The following GRM5 variants were observed in gnomAD, a reference collection of about 807,000 sequenced individuals.
GRM5 encodes glutamate metabotropic receptor 5.
GRM5 carries 19 observed loss-of-function variants against 83.1 expected under a neutral mutation model. That is an observed-to-expected ratio of 0.23 (90% CI 0.16 to 0.34). The LOEUF (loss-of-function observed/expected upper bound fraction) is 0.34. GRM5 is among the 10% of genes least tolerant of loss of function. The pLI is 1.00. For synonymous variants in GRM5, 675 were observed against 633.6 expected, an observed-to-expected ratio of 1.07 and a Z score of -0.98; for missense variants, 1,160 against 1,588.3, an observed-to-expected ratio of 0.73 and a Z score of 4.58.
At chr11:88,625,758 T>C (rs923150247) in intron 4 of GRM5, among the ~76,000 whole-genome samples, 15 of 152,044 alleles carry the variant, frequency 9.9e-5, no homozygotes, top group African/African-American at 3.1e-4. Context: ...TGTGTGCATA[T>C]AGCCCCAATT....
intron 5 of GRM5, among the ~76,000 whole-genome samples, chr11:88,603,792 G>GT (rs894390645): frequency 1.3e-5 from 2 of 152,178 alleles, no homozygotes; most frequent in African/African-American, 4.8e-5. Context: ...GACAGAATGT[G>GT]TGGGCACATG....
intron 2 of GRM5, among the ~76,000 whole-genome samples, chr11:88,962,393 C>G (rs935076070): frequency 2.0e-5 from 3 of 152,198 alleles, no homozygotes; most frequent in Non-Finnish European, 4.4e-5. Context: ...TTCATGCATT[C>G]AACTAACCAT....
intron 7 of GRM5, among the ~76,000 whole-genome samples, chr11:88,582,616 A>G (rs1943234565): frequency 6.6e-6 from 1 of 152,232 alleles, no homozygotes; most frequent in African/African-American, 2.4e-5. Flanking sequence ...GTAATAATAA[A>G]CTAAACTTAT....
At chr11:88,562,192 A>G (rs1197091742) in intron 8 of GRM5, among the ~76,000 whole-genome samples, 1 of 152,200 alleles carries the variant, frequency 6.6e-6, no homozygotes, top group Non-Finnish European at 1.5e-5. Flanking sequence ...TCTACAGTGC[A>G]AGACTTCTCA....
At chr11:88,696,708 G>A (rs1333865643) in intron 3 of GRM5, among the ~76,000 whole-genome samples, 2 of 152,132 alleles carry the variant, frequency 1.3e-5, no homozygotes, top group Non-Finnish European at 2.9e-5. Context: ...GTTTTATAAT[G>A]TTACCTATCT....
intron 9 of GRM5, among the ~76,000 whole-genome samples, chr11:88,519,774 A>T (rs768307642): frequency 3.9e-5 from 6 of 152,180 alleles, no homozygotes; most frequent in Non-Finnish European, 7.4e-5. Context: ...GTAAATACGT[A>T]AAAAACAACC....
chr11:88,752,529 A>G (rs1257610248), intron 3 of GRM5, among the ~76,000 whole-genome samples: 3 of 152,246 alleles, frequency 2.0e-5, no homozygotes, highest in Admixed American at 6.5e-5. Context: ...CATACTGCCC[A>G]AAGTAATTTA....
At position 89,009,929 on chromosome 11, in the gene GRM5, A is replaced by AACAC. The variant is rs1555059720; in HGVS notation, c.661+37279_661+37282dup. On this transcript the variant is annotated intron_variant, in intron 2 of 9. Coordinates refer to ENST00000305447, the MANE Select transcript of GRM5 (RefSeq NM_001143831.3). ...AAAAAAAAAAAAAAAAAAAAAAAAA[A>AACAC]ACACACACAAAATCAAAATGTTTAC... 3.4e-4 allele frequency among the ~76,000 whole-genome samples: 35 copies of AACAC among 102,386 alleles called. 1 individual carries two copies. The highest frequency in any genetic ancestry group is 9.8e-4 in the East Asian group (3 of 3,072). The allele number at this position is 102,386 out of a possible 152,430, so 67.2% of individuals were successfully genotyped here.
intron 2 of GRM5, among the ~76,000 whole-genome samples, chr11:88,993,116 A>G (rs1202774259): frequency 1.3e-5 from 2 of 151,844 alleles, no homozygotes; most frequent in Non-Finnish European, 2.9e-5. Flanking sequence ...ATACAAAAAA[A>G]TTAGCTGGGC....
chr11:88,601,219 T>C (rs988191873), intron 5 of GRM5, among the ~76,000 whole-genome samples: 3 of 152,198 alleles, frequency 2.0e-5, no homozygotes, highest in South Asian at 2.1e-4. Context: ...ATCTGGACAT[T>C]GAAGCAGAAC....
intron 3 of GRM5, among the ~76,000 whole-genome samples, chr11:88,779,056 A>G (rs1485898041): frequency 1.3e-5 from 2 of 152,228 alleles, no homozygotes; most frequent in Non-Finnish European, 2.9e-5. Flanking sequence ...AATTCTCACA[A>G]AAATCTTTTA....
intron 2 of GRM5, among the ~76,000 whole-genome samples, chr11:88,934,871 T>G (rs1417311160): frequency 6.6e-6 from 1 of 151,896 alleles, no homozygotes; most frequent in Non-Finnish European, 1.5e-5. Context: ...TGAAAAACAC[T>G]GGACTATAGA....
intron 2 of GRM5, among the ~76,000 whole-genome samples, chr11:88,855,909 GA>G (rs1944467194): frequency 6.6e-6 from 1 of 151,786 alleles, no homozygotes; most frequent in African/African-American, 2.4e-5. Flanking sequence ...AAGTAGTACA[GA>G]AAAATAGGCA....
At chr11:88,515,037 A>G (rs1048922875) in intron 9 of GRM5, among the ~76,000 whole-genome samples, 4 of 151,994 alleles carry the variant, frequency 2.6e-5, no homozygotes, top group Admixed American at 6.6e-5. Flanking sequence ...GAATCACTCG[A>G]TCCTCTCTTA....
chr11:88,945,806 C>A (rs1233463789), intron 2 of GRM5, among the ~76,000 whole-genome samples: 2 of 151,908 alleles, frequency 1.3e-5, no homozygotes, highest in Non-Finnish European at 2.9e-5. Flanking sequence ...TAGAACAAAC[C>A]GTTCTGGACA....
At chr11:88,999,982 G>A (rs536746453) in intron 2 of GRM5, among the ~76,000 whole-genome samples, 35 of 152,104 alleles carry the variant, frequency 2.3e-4, no homozygotes, top group African/African-American at 3.6e-4. Flanking sequence ...GCAAACTATC[G>A]CAAGGACAAA....
intron 4 of GRM5, among the ~76,000 whole-genome samples, chr11:88,648,897 G>T (rs1371273269): frequency 2.0e-5 from 3 of 149,792 alleles, no homozygotes; most frequent in African/African-American, 7.5e-5. Flanking sequence ...AGTGGAGAGA[G>T]AAATGCAGCA....
chr11:88,703,732 G>T (rs1941089964), intron 3 of GRM5, among the ~76,000 whole-genome samples: 1 of 152,050 alleles, frequency 6.6e-6, no homozygotes, highest in South Asian at 2.1e-4. Context: ...TCATCAGTGT[G>T]AAGTGGGAAG....
intron 3 of GRM5, among the ~76,000 whole-genome samples, chr11:88,807,389 T>A (rs770342253): frequency 6.6e-6 from 1 of 152,164 alleles, no homozygotes; most frequent in African/African-American, 2.4e-5. Flanking sequence ...TAAAATCTTG[T>A]CACTTTATTT....
Sources: gnomAD v4.1 joint callset for allele counts (sites outside exome capture counted in the v4.1 genomes callset) on GRCh38, gnomAD v4.1.1 for gene constraint, MANE v1.5 for transcripts, NCBI Gene and HGNC (gene_info 2026-07-23, HGNC 2026-07-21) for gene names.